Variants in CMPK2 observed in about 807,000 individuals in gnomAD.
CMPK2 encodes cytidine/uridine monophosphate kinase 2, also known as UMP-CMP kinase 2, mitochondrial.
A neutral mutation model predicts 33.4 loss-of-function variants in CMPK2; 32 were observed. That is an observed-to-expected ratio of 0.96 (90% CI 0.72 to 1.29). CMPK2 has a LOEUF of 1.29. Among genes scored for constraint, CMPK2 ranks in the 50% most tolerant of loss-of-function variants. CMPK2 has a pLI of 0.00. For synonymous variants in CMPK2, 299 were observed against 275.3 expected, an observed-to-expected ratio of 1.09 and a Z score of -0.85; for missense variants, 672 against 616.0, an observed-to-expected ratio of 1.09 and a Z score of -0.96.
At chr2:6,843,114 TG>T (rs1466611240) in intron 3 of CMPK2, among the ~76,000 whole-genome samples, 1 of 152,216 alleles carries the variant, frequency 6.6e-6, no homozygotes, top group African/African-American at 2.4e-5. Context: ...AAGTGGGGGC[TG>T]TCTCTGAATC....
chr2:6,865,937 G>A, upstream of CMPK2: 1 of 1,359,796 alleles, frequency 7.4e-7, no homozygotes, highest in African/African-American at 1.5e-5. Context: ...CTCGGGAGCA[G>A]ACGCTTGGCC....
chr2:6,845,273 G>A (rs1036883914), downstream of CMPK2, among the ~76,000 whole-genome samples: 2 of 152,098 alleles, frequency 1.3e-5, no homozygotes, highest in African/African-American at 4.8e-5. Context: ...AATAGAATAT[G>A]AGCCATTTTA....
rs763898811 is a variant in CMPK2 at position 6,851,548 on chromosome 2, A to G, written c.1128T>C (p.Thr376=). ...TCTGCAACCTCTCCTCAGGACTCAC[A>G]GTGAGCAGCAGGATAAGGTCAGGTT... is the stretch of plus-strand genomic sequence containing the variant. ...LLKPDLILLL[T]VSPEERLQRL... The change falls in exon 4 of 5, where the codon ACT becomes ACC. Residue 376 remains threonine, a synonymous_variant. Transcript: ENST00000256722. 1.9e-6 allele frequency: 3 copies of G among 1,614,046 alleles called. No individual in the cohort carries two copies. The highest frequency in any genetic ancestry group is 2.7e-5 in the African/African-American group (2 of 74,924).
At chr2:6,841,109 C>G (rs1317517501) in intron 3 of CMPK2, among the ~76,000 whole-genome samples, 2 of 152,100 alleles carry the variant, frequency 1.3e-5, no homozygotes, top group Non-Finnish European at 2.9e-5. Context: ...TTTTGAGACC[C>G]CTTGGGTAAC....
downstream of CMPK2, among the ~76,000 whole-genome samples, chr2:6,844,606 G>A (rs758700912): frequency 1.3e-5 from 2 of 152,112 alleles, no homozygotes; most frequent in Non-Finnish European, 2.9e-5. Context: ...ATTCCAACTG[G>A]GATTTTCAAG....
At chr2:6,856,296 C>T (rs1662701877) in intron 3 of CMPK2, among the ~76,000 whole-genome samples, 2 of 152,184 alleles carry the variant, frequency 1.3e-5, no homozygotes, top group African/African-American at 4.8e-5. Flanking sequence ...CCATACCTAA[C>T]AAATAGTTGC....
rs770971489 is a variant in CMPK2, at chr2:6,865,553, G to A, written c.144C>T (p.Gly48=). The A allele has an allele frequency of 3.0e-6, 4 of 1,323,872 alleles. No homozygotes were observed. The highest frequency in any genetic ancestry group is 2.9e-6 in the Non-Finnish European group (3 of 1,041,158). The allele number at this position is 1,323,872 out of a possible 1,614,324, so 82.0% of individuals were successfully genotyped here. Residue 48 remains glycine (G), a synonymous_variant, in exon 1 of 5, where the codon GGC becomes GGT. Coordinates refer to ENST00000256722, the MANE Select transcript of CMPK2 (RefSeq NM_207315.4). ...CGTCTGCGTCGCCGGGGGCGTCGGC[G>A]CCTAGGGCGAAGTGAGCCAGGGTGC... ...PDCTLAHFAL[G]ADAPGDADAP...
At chr2:6,857,598 G>T (rs1662749697) in intron 3 of CMPK2, among the ~76,000 whole-genome samples, 1 of 148,786 alleles carries the variant, frequency 6.7e-6, no homozygotes, top group Admixed American at 6.7e-5. Flanking sequence ...GATTACAGGT[G>T]TGAGCCACTG....
chr2:6,850,115 A>G (rs1460288110), intron 4 of CMPK2, 142 bp from the exon 5 acceptor site: 1 of 611,428 alleles, frequency 1.6e-6, no homozygotes, highest in Non-Finnish European at 2.8e-6. Context: ...TTGCCCACAG[A>G]AGACGTTCAT....
At chr2:6,846,381 A>C (rs1385010692), downstream of CMPK2, among the ~76,000 whole-genome samples, 1 of 152,056 alleles carries the variant, frequency 6.6e-6, no homozygotes, top group Admixed American at 6.5e-5. Context: ...TTATTGAGGG[A>C]TAGAAAGGCC....
chr2:6,859,860 G>A (rs894137863), intron 3 of CMPK2, among the ~76,000 whole-genome samples: 1 of 152,148 alleles, frequency 6.6e-6, no homozygotes, highest in Non-Finnish European at 1.5e-5. Flanking sequence ...ACCCCAGAAT[G>A]GTAGATCCAC....
At chr2:6,859,023 T>G (rs1198242724) in intron 3 of CMPK2, among the ~76,000 whole-genome samples, 1 of 152,140 alleles carries the variant, frequency 6.6e-6, no homozygotes, top group African/African-American at 2.4e-5. Context: ...TGGTCTCAGA[T>G]GGAAATGAGG....
Position 6,865,409 on chromosome 2 carries a change from C to G in CMPK2, c.288G>C (p.Gln96His). ...CGCGGCGCAGCTGGTGCAGCAGGCG[C>G]TGGTGCAGCCGCGCCGCCCGGACCC... ...GARVRAARLH[Q>H]RLLHQLRRGP... Residue 96 changes from glutamine (Q) to histidine (H), a missense_variant, in exon 1 of 5, where the codon CAG becomes CAC. Transcript: ENST00000256722. 1.5e-6 allele frequency: 2 copies of G among 1,335,496 alleles called. No individual in the cohort carries two copies. Among genetic ancestry groups the G allele is most frequent in the South Asian group, 4.0e-5 (2 of 50,180 alleles). 82.7% of individuals were successfully genotyped at this position (1,335,496 alleles called of 1,614,324 possible).
intron 3 of CMPK2, among the ~76,000 whole-genome samples, chr2:6,857,809 G>C (rs1332955416): frequency 6.6e-6 from 1 of 151,298 alleles, no homozygotes; most frequent in Admixed American, 6.6e-5. Flanking sequence ...CTAATTTTTT[G>C]TATTTTTAGT....
chr2:6,863,562 G>A lies in CMPK2; in HGVS notation c.692C>T (p.Pro231Leu). ...AVLEECTSFI[P>L]EARAVLDLVD... Reference sequence around the variant, plus strand: ...CAGGTCAAGCACTGCCCGGGCTTCAGGAATAAAGGAGGTACACTGTAAAAC... The same window carrying A: ...CAGGTCAAGCACTGCCCGGGCTTCAAGAATAAAGGAGGTACACTGTAAAAC... Residue 231 changes from proline (P) to leucine (L), a missense_variant, in exon 2 of 5, where the codon CCT becomes CTT. Coordinates refer to ENST00000256722, the MANE Select transcript of CMPK2 (RefSeq NM_207315.4). 1 of 1,613,952 alleles carries A rather than the reference G, an allele frequency of 6.2e-7. No homozygotes were observed. The highest frequency in any genetic ancestry group is 8.5e-7 in the Non-Finnish European group (1 of 1,179,918).
chr2:6,846,891 T>C (rs958112040), downstream of CMPK2, among the ~76,000 whole-genome samples: 1 of 152,218 alleles, frequency 6.6e-6, no homozygotes, highest in Non-Finnish European at 1.5e-5. Context: ...CCAAAATGTG[T>C]TGTAATCTTA....
At position 6,863,474 on chromosome 2, in the gene CMPK2, C is replaced by T; in HGVS notation, c.780G>A (p.Leu260=). ...GKFQVVAIEG[L]DATGKTTVTQ... ...GTAATATTATCTTACCCGTGGCATC[C>T]AGTCCTTCGATGGCAACAACCTGGA... Residue 260 remains leucine, a synonymous_variant, in exon 2 of 5, where the codon CTG becomes CTA. Coordinates refer to ENST00000256722, the MANE Select transcript of CMPK2 (RefSeq NM_207315.4). 1 of 1,613,910 alleles carries T rather than the reference C, an allele frequency of 6.2e-7. No homozygotes were observed.
chr2:6,861,102 ACG>A (rs3085147), intron 3 of CMPK2, 80 bp downstream of exon 3: 1,178,383 of 1,195,512 alleles, frequency 0.99, 581,904 homozygotes, highest in East Asian at 1. Flanking sequence ...ATACACACAC[ACG>A]CACACACACA....
intron 3 of CMPK2, among the ~76,000 whole-genome samples, chr2:6,853,427 T>C (rs903044223): frequency 2.0e-5 from 3 of 152,208 alleles, no homozygotes; most frequent in Admixed American, 6.5e-5. Context: ...TCTAAGCTAA[T>C]ATAGCCTCCA....
Sources: gnomAD v4.1 joint callset for allele counts (sites outside exome capture counted in the v4.1 genomes callset) on GRCh38, gnomAD v4.1.1 for gene constraint, MANE v1.5 for transcripts, NCBI Gene and HGNC (gene_info 2026-07-23, HGNC 2026-07-21) for gene names.